Variants in SORCS2 observed in about 807,000 individuals in gnomAD.
SORCS2 encodes sortilin related VPS10 domain containing receptor 2, also known as VPS10 domain-containing receptor SorCS2.
Under a neutral mutation model 141.6 loss-of-function variants are expected in SORCS2, and 100 were observed. The observed-to-expected ratio is 0.71, with a 90% CI of 0.60 to 0.83. The LOEUF (loss-of-function observed/expected upper bound fraction) is 0.83, where lower values mean the gene tolerates loss of function less well. Among genes scored for constraint, SORCS2 ranks in the 40% least tolerant of loss-of-function variants. The pLI is 0.00. For missense variants in SORCS2, 1,646 were observed against 1,560.2 expected (o/e 1.05, Z -0.93); for synonymous variants, 789 against 676.9 (o/e 1.17, Z -2.57).
At chr4:7,335,388 C>G (rs899215344) in intron 1 of SORCS2, among the ~76,000 whole-genome samples, 72 of 152,288 alleles carry the variant, frequency 4.7e-4, no homozygotes, top group African/African-American at 1.6e-3. Flanking sequence ...CTTTGATAAC[C>G]CAAACATTTT....
At chr4:7,372,837 C>A (rs536567473) in intron 1 of SORCS2, among the ~76,000 whole-genome samples, 1 of 152,150 alleles carries the variant, frequency 6.6e-6, no homozygotes, top group East Asian at 1.9e-4. Context: ...ACCTTCCGGG[C>A]CTGGCTGCTT....
intron 1 of SORCS2, among the ~76,000 whole-genome samples, chr4:7,207,667 A>G (rs1305642785): frequency 6.6e-6 from 1 of 152,190 alleles, no homozygotes; most frequent in African/African-American, 2.4e-5. Flanking sequence ...GGAAGACTGC[A>G]CTGTTGTCCC....
chr4:7,345,794 C>T (rs901698589), intron 1 of SORCS2, among the ~76,000 whole-genome samples: 6 of 152,182 alleles, frequency 3.9e-5, no homozygotes, highest in East Asian at 1.9e-4. Flanking sequence ...TCCTTCCTGC[C>T]GCCCTCTCTC....
intron 3 of SORCS2, among the ~76,000 whole-genome samples, chr4:7,620,022 CTCCTCCTCCTCCT>C (rs1405042678): frequency 1.2e-3 from 3 of 2,494 alleles, no homozygotes; most frequent in East Asian, 0.14. Context: ...CTCCTCCTTC[CTCCTCCTCCTCCT>C]TCCTCCTCCT....
chr4:7,303,613 C>T (rs1717590789), intron 1 of SORCS2, among the ~76,000 whole-genome samples: 1 of 152,204 alleles, frequency 6.6e-6, no homozygotes, highest in Non-Finnish European at 1.5e-5. Context: ...TGGCACCCTG[C>T]AAACCATTCT....
intron 4 of SORCS2, among the ~76,000 whole-genome samples, chr4:7,651,630 T>C (rs537833281): frequency 1.3e-5 from 2 of 152,336 alleles, no homozygotes; most frequent in Non-Finnish European, 2.9e-5. Flanking sequence ...GGAAGTTACA[T>C]GCAGGGACAG....
At chr4:7,612,102 G>A (rs1337131304) in intron 3 of SORCS2, among the ~76,000 whole-genome samples, 1 of 152,210 alleles carries the variant, frequency 6.6e-6, no homozygotes, top group Non-Finnish European at 1.5e-5. Flanking sequence ...ATGGGGCCTG[G>A]GTGGAGGTGC....
intron 2 of SORCS2, among the ~76,000 whole-genome samples, chr4:7,417,598 G>GAT (rs1315231928): frequency 2.0e-5 from 3 of 152,168 alleles, no homozygotes; most frequent in African/African-American, 7.2e-5. Flanking sequence ...GGTCTGCTGA[G>GAT]ATGGGGCAAA....
chr4:7,355,152 A>G (rs1366567474), intron 1 of SORCS2, among the ~76,000 whole-genome samples: 1 of 152,056 alleles, frequency 6.6e-6, no homozygotes, highest in African/African-American at 2.4e-5. Context: ...CTGGGAGGAA[A>G]CTGGGCCTGA....
chr4:7,658,022 C>G (rs981169762), intron 5 of SORCS2, among the ~76,000 whole-genome samples: 3 of 144,536 alleles, frequency 2.1e-5, no homozygotes, highest in African/African-American at 7.8e-5. Flanking sequence ...GCTGAGTGAG[C>G]GAGTCTGTGA....
In SORCS2 at chr4:7,237,675, C is replaced by A. The variant is rs373428266; in HGVS notation, c.480+44549C>A. Among the ~76,000 whole-genome samples the A allele has an allele frequency of 2.6e-5, 4 of 152,204 alleles. No individual in the cohort carries two copies. The East Asian group carries it at 5.8e-4, about 22-fold the overall frequency. Reference sequence around the variant, plus strand: ...TGAAATGTTAAGTCTTATGTTTCAGCCTCTCTGGGCCTCTGTTATCCCATC... The same window carrying A: ...TGAAATGTTAAGTCTTATGTTTCAGACTCTCTGGGCCTCTGTTATCCCATC... On this transcript the variant is annotated intron_variant, in intron 1 of 26. Coordinates refer to ENST00000507866, the MANE Select transcript of SORCS2 (RefSeq NM_020777.3).
intron 1 of SORCS2, among the ~76,000 whole-genome samples, chr4:7,306,609 T>G (rs1024430970): frequency 2.6e-5 from 4 of 152,138 alleles, no homozygotes; most frequent in Non-Finnish European, 1.5e-5. Flanking sequence ...GCGGTTCCCG[T>G]GGGGCTAGGC....
At chr4:7,578,726 T>C (rs1715940012) in intron 3 of SORCS2, among the ~76,000 whole-genome samples, 1 of 152,246 alleles carries the variant, frequency 6.6e-6, no homozygotes, top group East Asian at 1.9e-4. Context: ...CTTGACGGCT[T>C]TGACAGGTCA....
chr4:7,414,384 G>A (rs1157486653), intron 2 of SORCS2, among the ~76,000 whole-genome samples: 1 of 152,200 alleles, frequency 6.6e-6, no homozygotes, highest in Non-Finnish European at 1.5e-5. Flanking sequence ...AGTTTTCCAG[G>A]CAGGGAAGGG....
chr4:7,434,128 C>T (rs1172616004), intron 2 of SORCS2: 1 of 1,613,256 alleles, frequency 6.2e-7, no homozygotes, highest in Non-Finnish European at 8.5e-7. Context: ...ACAGAATCCC[C>T]CCTTCCTGCA....
At chr4:7,353,798 C>T (rs551187739) in intron 1 of SORCS2, among the ~76,000 whole-genome samples, 38 of 152,180 alleles carry the variant, frequency 2.5e-4, no homozygotes, top group African/African-American at 8.2e-4. Flanking sequence ...AGTTTAAGTC[C>T]GACCCTTATG....
chr4:7,679,612 G>A lies in SORCS2; in HGVS notation c.1342-3131G>A, dbSNP rs532668413. The stretch of plus-strand genomic sequence containing the variant: ...GGCCGCACGCCAGGGAGGGCTGGAG[G>A]CGCGGAGGTGGAAGGGGCAGGAAGG... On this transcript the variant is annotated intron_variant, in intron 9 of 26. Coordinates refer to ENST00000507866, the MANE Select transcript of SORCS2 (RefSeq NM_020777.3). Among the ~76,000 whole-genome samples the A allele has an allele frequency of 2.6e-5, 4 of 152,334 alleles. No homozygotes were observed. The South Asian group carries it at 8.3e-4, about 32-fold the overall frequency.
chr4:7,282,219 TG>T (rs1289249879), intron 1 of SORCS2, among the ~76,000 whole-genome samples: 1 of 152,372 alleles, frequency 6.6e-6, no homozygotes, highest in Admixed American at 6.5e-5. Flanking sequence ...ACCGTCTCTC[TG>T]GCCTATGGGG....
intron 1 of SORCS2, among the ~76,000 whole-genome samples, chr4:7,324,725 G>T (rs1719129532): frequency 6.6e-6 from 1 of 152,254 alleles, no homozygotes; most frequent in Non-Finnish European, 1.5e-5. Flanking sequence ...TCCACCTTGA[G>T]TCCCATGTGC....
Sources: allele counts gnomAD v4.1 joint callset (sites outside exome capture counted in the v4.1 genomes callset), GRCh38; gene constraint gnomAD v4.1.1; transcripts MANE v1.5; gene names NCBI Gene and HGNC (gene_info 2026-07-23, HGNC 2026-07-21).